Variants in TMEM67 observed in about 807,000 individuals in gnomAD.
TMEM67 encodes transmembrane protein 67.
A neutral mutation model predicts 136.6 loss-of-function variants in TMEM67; 124 were observed. The observed-to-expected ratio is 0.91, with a 90% CI of 0.78 to 1.05. The LOEUF (loss-of-function observed/expected upper bound fraction) is 1.05. Among genes scored for constraint, TMEM67 ranks in the 50% least tolerant of loss-of-function variants. TMEM67 has a pLI of 0.00. For missense variants in TMEM67, 1,107 were observed against 1,178.4 expected, an observed-to-expected ratio of 0.94 and a Z score of 0.89; for synonymous variants, 364 against 390.5, an observed-to-expected ratio of 0.93 and a Z score of 0.80.
intron 6 of TMEM67, among the ~76,000 whole-genome samples, chr8:93,771,121 A>C (rs1333540226): frequency 3.3e-5 from 5 of 152,084 alleles, no homozygotes; most frequent in Admixed American, 3.3e-4. Flanking sequence ...GTAAATATCC[A>C]TTTTAGCAAT....
In TMEM67 at chr8:93,772,634, T is replaced by G; in HGVS notation, c.697T>G (p.Ser233Ala). The change falls in exon 7 of 28, where the codon TCA (serine) becomes GCA (alanine). Residue 233 changes from serine (S) to alanine (A), a missense_variant. Ser to Ala is a moderately conservative substitution (Grantham distance 99, BLOSUM62 1). Transcript: ENST00000453321. ...ATGGTTTGCAAAGTATTTGCAATCA[T>G]CAGCAGCTGCATGTTGGGTAAGTTT... ...SEWFAKYLQS[S>A]AAACWVYANL... The G allele has an allele frequency of 6.2e-7, 1 of 1,612,382 alleles. No homozygotes were observed. The highest frequency in any genetic ancestry group is 8.5e-7 in the Non-Finnish European group (1 of 1,179,006).
intron 15 of TMEM67, among the ~76,000 whole-genome samples, chr8:93,792,462 C>T (rs1459900978): frequency 2.0e-5 from 3 of 152,038 alleles, no homozygotes; most frequent in Non-Finnish European, 4.4e-5. Context: ...GCGTGAGCCA[C>T]GGTGCCCGGC....
At position 93,793,200 on chromosome 8, in the gene TMEM67, T is replaced by A; in HGVS notation, c.1578T>A (p.Ile526=). Residue 526 remains isoleucine (I), a splice_region_variant and synonymous_variant, in exon 16 of 28, where the codon ATT becomes ATA. Coordinates refer to ENST00000453321, the MANE Select transcript of TMEM67 (RefSeq NM_153704.6). The stretch of plus-strand genomic sequence containing the variant: ...TCAATTGTTCTTTTGTTTTTTAGAT[T>A]GCTTTGGGTGTATTGGGTGGGCTAG... The part of the protein sequence containing the change: ...DHGEAHVQTD[I]ALGVLGGLAV... 6.2e-7 allele frequency: 1 copy of A among 1,613,772 alleles called. No individual in the cohort carries two copies. Among genetic ancestry groups the A allele is most frequent in the Non-Finnish European group, 8.5e-7 (1 of 1,179,642 alleles).
In TMEM67 at chr8:93,786,494, G is replaced by C. The variant is rs1586051768; in HGVS notation, c.1412+148G>C. The C allele has an allele frequency of 2.6e-5, 23 of 888,782 alleles. No homozygotes were observed. The East Asian group carries it at 5.6e-4, about 22-fold the overall frequency. The allele number at this position is 888,782 out of a possible 1,614,324, so 55.1% of individuals were successfully genotyped here. A position where few individuals can be genotyped will look rare whatever the true frequency, so the allele number is the denominator to read the frequency against. On this transcript the variant is annotated intron_variant, in intron 13 of 27. Transcript: ENST00000453321. ...TGTATGTGTAGATTGGCATAGACCA[G>C]TAAAAGTGAATAGCCAAGGGGGAAA...
At chr8:93,796,504 T>G (rs1465634288) in intron 18 of TMEM67, among the ~76,000 whole-genome samples, 1 of 152,226 alleles carries the variant, frequency 6.6e-6, no homozygotes, top group Non-Finnish European at 1.5e-5. Flanking sequence ...GAGTGTTAAG[T>G]GTCTGCTTTT....
At chr8:93,772,405 G>A (rs778600017) in intron 6 of TMEM67, among the ~76,000 whole-genome samples, 184 bp from the exon 7 acceptor site, 6 of 152,128 alleles carry the variant, frequency 3.9e-5, no homozygotes, top group Non-Finnish European at 7.4e-5. Context: ...TTGCCTAAGT[G>A]TGATTATTTT....
At chr8:93,762,715 C>G (rs943421948) in intron 3 of TMEM67, among the ~76,000 whole-genome samples, 1 of 151,998 alleles carries the variant, frequency 6.6e-6, no homozygotes, top group Non-Finnish European at 1.5e-5. Context: ...ATTTATTACA[C>G]TTCATGATGT....
Position 93,815,301 on chromosome 8 carries a change from A to G in TMEM67, c.2765-4A>G. On this transcript the variant is annotated splice_polypyrimidine_tract_variant and splice_region_variant and intron_variant, in intron 26 of 27. Transcript: ENST00000453321. Reference sequence around the variant, plus strand: ...AATTTATATTTTCTAAATTTTTTTAATAGATGAAGGTTATTCTTTCAGCAG... The same window carrying G: ...AATTTATATTTTCTAAATTTTTTTAGTAGATGAAGGTTATTCTTTCAGCAG... The G allele has an allele frequency of 6.6e-7, 1 of 1,521,390 alleles. No individual in the cohort carries two copies. The highest frequency in any genetic ancestry group is 1.8e-4 in the Middle Eastern group (1 of 5,478). The allele number at this position is 1,521,390 out of a possible 1,614,324, so 94.2% of individuals were successfully genotyped here.
chr8:93,763,868 T>C lies in TMEM67; in HGVS notation c.433T>C (p.Leu145=). 6.2e-7 allele frequency: 1 copy of C among 1,613,466 alleles called. No individual in the cohort carries two copies. The change falls in exon 4 of 28, where the codon TTG becomes CTG. Residue 145 remains leucine (L), a synonymous_variant. Transcript: ENST00000453321. ...GGAAAGAGACATTAATGGAACATTG[T>C]TGTCTCAAGCAACTTGTGAGCTCTG... ...LVERDINGTL[L]SQATCELCDG...
chr8:93,819,069 C>T, downstream of TMEM67: 3 of 451,630 alleles, frequency 6.6e-6, 1 homozygote, highest in South Asian at 4.7e-5. Context: ...TCCAAAAGTG[C>T]TGGGATTACA....
chr8:93,831,519 G>A, the TMEM67 span, among the ~76,000 whole-genome samples: 4 of 152,176 alleles, frequency 2.6e-5, no homozygotes, highest in African/African-American at 9.6e-5. Flanking sequence ...AAAGCCATTC[G>A]CCAATCTTCC....
the TMEM67 span, among the ~76,000 whole-genome samples, chr8:93,824,485 C>G: frequency 6.6e-6 from 1 of 152,192 alleles, no homozygotes; most frequent in East Asian, 1.9e-4. Context: ...AACTCCAAAC[C>G]CATTCCTCTT....
chr8:93,768,011 A>G (rs544238411), intron 6 of TMEM67, among the ~76,000 whole-genome samples: 70 of 151,718 alleles, frequency 4.6e-4, no homozygotes, highest in Non-Finnish European at 7.7e-4. Flanking sequence ...GATTACAGGC[A>G]TGCACCACCA....
At chr8:93,826,265 G>T in the TMEM67 span, among the ~76,000 whole-genome samples, 1 of 151,370 alleles carries the variant, frequency 6.6e-6, no homozygotes, top group East Asian at 1.9e-4. Flanking sequence ...AAGTAGCTGG[G>T]ACTACAGGCG....
At chr8:93,829,461 A>G in the TMEM67 span, among the ~76,000 whole-genome samples, 1 of 151,742 alleles carries the variant, frequency 6.6e-6, no homozygotes, top group African/African-American at 2.4e-5. Context: ...AACACTTGCT[A>G]CAGCACCTCC....
In TMEM67 at chr8:93,797,482, T is replaced by A; in HGVS notation, c.2100+12T>A. 1 of 1,611,844 alleles carries A rather than the reference T, an allele frequency of 6.2e-7. No homozygotes were observed. Among genetic ancestry groups the A allele is most frequent in the South Asian group, 1.1e-5 (1 of 90,874 alleles). ...TCTTCTTTTTGGAGGTATAAACTGT[T>A]TGATGTGATTATATGCGACTTACAT... On this transcript the variant is annotated intron_variant, in intron 20 of 27. Transcript: ENST00000453321.
chr8:93,776,519 A>G (rs1194672335), intron 7 of TMEM67, among the ~76,000 whole-genome samples: 1 of 152,194 alleles, frequency 6.6e-6, no homozygotes, highest in Non-Finnish European at 1.5e-5. Flanking sequence ...ATTTTGAGAT[A>G]TGTTCCATCA....
intron 19 of TMEM67, 25 bp downstream of exon 19, chr8:93,797,258 A>G (rs1246603936): frequency 6.2e-7 from 1 of 1,612,108 alleles, no homozygotes; most frequent in Non-Finnish European, 8.5e-7. Flanking sequence ...AAATATTTGT[A>G]CCAAAATTCT....
chr8:93,797,907 G>A (rs1004538855), intron 20 of TMEM67, among the ~76,000 whole-genome samples: 17 of 152,154 alleles, frequency 1.1e-4, no homozygotes, highest in African/African-American at 1.4e-4. Context: ...GCTTGAACCC[G>A]GGAGGCGGAG....
Sources: gnomAD v4.1 joint callset for allele counts (sites outside exome capture counted in the v4.1 genomes callset) on GRCh38, gnomAD v4.1.1 for gene constraint, MANE v1.5 for transcripts, NCBI Gene and HGNC (gene_info 2026-07-23, HGNC 2026-07-21) for gene names.